Variants in MICAL3 observed in about 807,000 individuals in gnomAD.
MICAL3 encodes the protein microtubule associated monooxygenase, calponin and LIM domain containing 3.
MICAL3 carries 62 observed loss-of-function variants against 207.4 expected under a neutral mutation model. The observed-to-expected ratio is 0.30, with a 90% CI of 0.24 to 0.37. The LOEUF is 0.37. MICAL3 is among the 10% of genes least tolerant of loss of function. The pLI is 1.00. For missense variants in MICAL3, 2,368 were observed against 2,635.6 expected (o/e 0.90, Z 2.22); for synonymous variants, 1,077 against 1,069.3 (o/e 1.01, Z -0.14).
chr22:17,861,839 T>C, intron 19 of MICAL3: 1 of 985,414 alleles, frequency 1.0e-6, no homozygotes, highest in Non-Finnish European at 1.2e-6. Context: ...AGGCAGCAGG[T>C]ACAGATTTGG....
In MICAL3 at chr22:17,885,977, A is replaced by G. The variant is rs376726325; in HGVS notation, c.2142T>C (p.Val714=). ...TCACTTTGTTCTGGTTCCCAACGGC[A>G]ACGTCCATCCTCCTGTCTGTCAGAG... is the stretch of plus-strand genomic sequence containing the variant. ...VSTLTDRRMD[V]AVGNQNKVKY... The change falls in exon 16 of 32, where the codon GTT becomes GTC. Residue 714 remains valine, a synonymous_variant. Transcript: ENST00000441493. 2 of 1,613,912 alleles carry G rather than the reference A, an allele frequency of 1.2e-6. No individual in the cohort carries two copies. Among genetic ancestry groups the G allele is most frequent in the Non-Finnish European group, 1.7e-6 (2 of 1,179,912 alleles).
intron 1 of MICAL3, among the ~76,000 whole-genome samples, chr22:17,999,666 G>A (rs1322897472): frequency 6.6e-6 from 1 of 152,300 alleles, no homozygotes; most frequent in South Asian, 2.1e-4. Flanking sequence ...TGGGGGTTTG[G>A]GGGGAGGAAT....
chr22:17,886,317 C>A (rs759157240), intron 15 of MICAL3, among the ~76,000 whole-genome samples: 22 of 152,216 alleles, frequency 1.4e-4, no homozygotes, highest in African/African-American at 5.3e-4. Flanking sequence ...CCCTGGTGCA[C>A]GTGTGTGCAT....
rs118028555 is a variant in MICAL3 at position 18,018,919 on chromosome 22, C to T, written c.-75+5362G>A. 3.8e-3 allele frequency among the ~76,000 whole-genome samples: 575 copies of T among 152,070 alleles called. 3 individuals are homozygous for T. Among genetic ancestry groups the T allele is most frequent in the Non-Finnish European group, 4.5e-3 (306 of 67,968 alleles). On this transcript the variant is annotated intron_variant, in intron 1 of 31. Transcript: ENST00000441493. The stretch of plus-strand genomic sequence containing the variant: ...TTAAAATGGCCCACCTGGCCAGGCA[C>T]AGTGGCTCACGCCTATAATACCAGT...
At chr22:18,008,650 C>T (rs182762538) in intron 1 of MICAL3, among the ~76,000 whole-genome samples, 10 of 152,252 alleles carry the variant, frequency 6.6e-5, no homozygotes, top group African/African-American at 1.9e-4. Context: ...TCTTAGAGCT[C>T]GAAGACATCA....
At chr22:17,913,513 G>A (rs758133525) in intron 1 of MICAL3, among the ~76,000 whole-genome samples, 6 of 152,138 alleles carry the variant, frequency 3.9e-5, no homozygotes, top group Non-Finnish European at 8.8e-5. Context: ...TGGGCGGGCA[G>A]TGACAGTCTA....
chr22:17,865,102 T>G, intron 18 of MICAL3, 116 bp from the exon 19 acceptor site: 1 of 661,862 alleles, frequency 1.5e-6, no homozygotes, highest in Admixed American at 4.9e-5. Context: ...TATTTATTTA[T>G]TTATTTATTT....
At chr22:17,923,282 T>C (rs185801252) in intron 1 of MICAL3, among the ~76,000 whole-genome samples, 72 of 152,288 alleles carry the variant, frequency 4.7e-4, no homozygotes, top group Middle Eastern at 3.4e-3. Context: ...CCGGAGCATA[T>C]TGAACTATAG....
chr22:17,829,996 C>A (rs1037023852), intron 21 of MICAL3, among the ~76,000 whole-genome samples: 2 of 152,284 alleles, frequency 1.3e-5, no homozygotes, highest in East Asian at 3.9e-4. Flanking sequence ...GTGAGACATG[C>A]TCTTGGAGGC....
At chr22:17,947,972 T>TA (rs553101137) in intron 1 of MICAL3, among the ~76,000 whole-genome samples, 4,119 of 144,128 alleles carry the variant, frequency 0.029, 206 homozygotes, top group African/African-American at 0.098. Context: ...AGCAAAAGTT[T>TA]AAAAAAAAAA....
intron 1 of MICAL3, among the ~76,000 whole-genome samples, chr22:17,971,588 G>C (rs959025464): frequency 1.3e-5 from 2 of 152,096 alleles, no homozygotes; most frequent in Non-Finnish European, 2.9e-5. Flanking sequence ...AGCATACACA[G>C]GCACCAGACA....
At chr22:17,931,520 C>G (rs1933263810) in intron 1 of MICAL3, among the ~76,000 whole-genome samples, 1 of 152,200 alleles carries the variant, frequency 6.6e-6, no homozygotes, top group Non-Finnish European at 1.5e-5. Flanking sequence ...AAATAGCCAA[C>G]AGGACACATG....
intron 13 of MICAL3, 73 bp downstream of exon 13, chr22:17,888,961 C>A: frequency 2.8e-6 from 3 of 1,075,104 alleles, no homozygotes; most frequent in South Asian, 3.3e-5. Context: ...GCGGGACAGT[C>A]GGAAGGAAGG....
chr22:17,795,951 A>C (rs1319298949), intron 29 of MICAL3, among the ~76,000 whole-genome samples: 1 of 152,172 alleles, frequency 6.6e-6, no homozygotes, highest in Non-Finnish European at 1.5e-5. Context: ...GATGTAAGAA[A>C]TAGAAGACTT....
At chr22:18,020,579 C>A in intron 1 of MICAL3, among the ~76,000 whole-genome samples, 1 of 125,770 alleles carries the variant, frequency 8.0e-6, no homozygotes, top group Admixed American at 8.3e-5. Context: ...TAAATGTATA[C>A]TTTCAAATAA....
chr22:17,852,414 A>C (rs1050975084), intron 19 of MICAL3, among the ~76,000 whole-genome samples: 4 of 152,182 alleles, frequency 2.6e-5, no homozygotes, highest in Non-Finnish European at 5.9e-5. Flanking sequence ...AGGGCCACTG[A>C]GGCTGGCCTG....
intron 1 of MICAL3, among the ~76,000 whole-genome samples, chr22:17,936,381 C>A (rs1443714948): frequency 2.6e-5 from 4 of 151,928 alleles, no homozygotes; most frequent in Non-Finnish European, 5.9e-5. Context: ...ACAATGAGAC[C>A]ACTTGGACAC....
At chr22:17,864,273 C>T (rs1226071008) in intron 19 of MICAL3, 8 of 1,062,620 alleles carry the variant, frequency 7.5e-6, no homozygotes, top group East Asian at 1.4e-4. Flanking sequence ...CAGGTGAGGG[C>T]TTGGACCTCA....
chr22:17,959,873 C>T (rs1159869542), intron 1 of MICAL3, among the ~76,000 whole-genome samples: 2 of 152,128 alleles, frequency 1.3e-5, no homozygotes, highest in African/African-American at 4.8e-5. Flanking sequence ...GGATGGAAGA[C>T]AGACCTTATA....
Sources: gnomAD v4.1 joint callset for allele counts (sites outside exome capture counted in the v4.1 genomes callset) on GRCh38, gnomAD v4.1.1 for gene constraint, MANE v1.5 for transcripts, NCBI Gene and HGNC (gene_info 2026-07-23, HGNC 2026-07-21) for gene names.